Variants in AREL1 observed in about 807,000 individuals in gnomAD.
AREL1 encodes apoptosis resistant E3 ubiquitin protein ligase 1.
Under a neutral mutation model 99.0 loss-of-function variants are expected in AREL1, and 62 were observed. The observed-to-expected ratio is 0.63, with a 90% CI of 0.51 to 0.77. The LOEUF is 0.77. Ranked by LOEUF, AREL1 falls within the 30% of genes least tolerant of loss-of-function variation. The probability of loss-of-function intolerance (pLI) is 0.00; values close to 1 mark genes in which losing one functional copy is unlikely to be tolerated. For synonymous variants in AREL1, 380 were observed against 376.5 expected (o/e 1.01, Z -0.11); for missense variants, 879 against 1,027.6 (o/e 0.86, Z 1.98).
At chr14:74,698,284 C>T (rs992209725) in intron 1 of AREL1, among the ~76,000 whole-genome samples, 1 of 152,076 alleles carries the variant, frequency 6.6e-6, no homozygotes, top group Non-Finnish European at 1.5e-5. Flanking sequence ...TATGTTTCCC[C>T]ATCCTAGATA....
At chr14:74,668,197 A>G (rs912530016) in intron 15 of AREL1, among the ~76,000 whole-genome samples, 1 of 152,234 alleles carries the variant, frequency 6.6e-6, no homozygotes, top group African/African-American at 2.4e-5. Context: ...CTGCAAAGAA[A>G]AAGGTGAACA....
intron 1 of AREL1, among the ~76,000 whole-genome samples, chr14:74,711,222 AC>A (rs1365816795): frequency 8.1e-6 from 1 of 123,732 alleles, no homozygotes; most frequent in Non-Finnish European, 1.7e-5. Flanking sequence ...CAAGAGCGAA[AC>A]TAACTCCGTC....
intron 1 of AREL1, among the ~76,000 whole-genome samples, chr14:74,708,742 C>G (rs930902270): frequency 1.3e-5 from 2 of 152,214 alleles, no homozygotes; most frequent in African/African-American, 4.8e-5. Context: ...ATGCAAATTG[C>G]TCAACTATTC....
intron 1 of AREL1, among the ~76,000 whole-genome samples, chr14:74,707,890 G>A (rs1205228522): frequency 1.3e-5 from 2 of 151,376 alleles, no homozygotes; most frequent in African/African-American, 4.9e-5. Flanking sequence ...CCGGGAGGCG[G>A]AGCTTGCAGT....
chr14:74,698,475 C>T (rs1000910222), intron 1 of AREL1, among the ~76,000 whole-genome samples: 2 of 152,176 alleles, frequency 1.3e-5, no homozygotes, highest in Admixed American at 6.5e-5. Flanking sequence ...TCCTCTTCAT[C>T]GTTCATTCTT....
At chr14:74,670,659 C>T (rs2089313667) in intron 13 of AREL1, 103 bp downstream of exon 13, 6 of 905,070 alleles carry the variant, frequency 6.6e-6, no homozygotes, top group Non-Finnish European at 1.0e-5. Flanking sequence ...AAGAATAGGA[C>T]ACAGGTTGTC....
At chr14:74,670,686 T>G in intron 13 of AREL1, 76 bp downstream of exon 13, 1 of 1,283,858 alleles carries the variant, frequency 7.8e-7, no homozygotes, top group East Asian at 2.4e-5. Flanking sequence ...CCAGATCAGT[T>G]TCATAATTTT....
chr14:74,693,453 G>A (rs570325653), intron 1 of AREL1, among the ~76,000 whole-genome samples: 1 of 152,234 alleles, frequency 6.6e-6, no homozygotes, highest in South Asian at 2.1e-4. Context: ...GGGGTTTATG[G>A]CAATGCATAC....
At chr14:74,678,975 C>G (rs1239156125) in intron 5 of AREL1, among the ~76,000 whole-genome samples, 1 of 152,112 alleles carries the variant, frequency 6.6e-6, no homozygotes, top group Admixed American at 6.5e-5. Flanking sequence ...ACTGCAGCCT[C>G]AACCTCCTGG....
rs544398246 is a variant in AREL1 at position 74,675,633 on chromosome 14, C to T, written c.1080+66G>A. On this transcript the variant is annotated intron_variant, in intron 8 of 19. Transcript: ENST00000356357. Reference sequence around the variant, plus strand: ...TCAGACTGTTACTTTGTGGTTTCTGCTACCAAATACCAATTACACACAGGT... The same window carrying T: ...TCAGACTGTTACTTTGTGGTTTCTGTTACCAAATACCAATTACACACAGGT... The T allele has an allele frequency of 1.7e-4, 260 of 1,552,216 alleles. 9 individuals are homozygous for T. The South Asian group carries it at 3.1e-3, about 18-fold the overall frequency.
At chr14:74,666,940 G>A (rs941361580) in intron 17 of AREL1, among the ~76,000 whole-genome samples, 7 of 151,908 alleles carry the variant, frequency 4.6e-5, no homozygotes, top group Non-Finnish European at 8.8e-5. Context: ...GGCTGGTCTC[G>A]AACTCCTGAC....
At chr14:74,689,732 G>A (rs1199368688) in intron 2 of AREL1, among the ~76,000 whole-genome samples, 2 of 151,188 alleles carry the variant, frequency 1.3e-5, no homozygotes, top group Admixed American at 1.3e-4. Flanking sequence ...GAGTAGCTGG[G>A]ATTACAGGCA....
At chr14:74,673,714 T>C (rs983896391) in intron 9 of AREL1, among the ~76,000 whole-genome samples, 7 of 152,336 alleles carry the variant, frequency 4.6e-5, no homozygotes, top group Admixed American at 2.0e-4. Flanking sequence ...AGGAGTTAGC[T>C]TCAGCACACT....
chr14:74,709,783 A>G (rs1283992630), intron 1 of AREL1, among the ~76,000 whole-genome samples: 1 of 152,242 alleles, frequency 6.6e-6, no homozygotes, highest in Non-Finnish European at 1.5e-5. Context: ...AAAATGGACA[A>G]AAAAGTGAAT....
At chr14:74,693,452 G>C (rs1413957078) in intron 1 of AREL1, among the ~76,000 whole-genome samples, 5 of 152,144 alleles carry the variant, frequency 3.3e-5, no homozygotes, top group Admixed American at 1.3e-4. Context: ...GGGGGTTTAT[G>C]GCAATGCATA....
chr14:74,664,699 T>C lies in AREL1; in HGVS notation c.2193+137A>G, dbSNP rs914523368. 1.8e-5 allele frequency: 10 copies of C among 548,190 alleles called. No homozygotes were observed. The African/African-American group carries it at 2.0e-4, about 11-fold the overall frequency. 34.0% of individuals were successfully genotyped at this position (548,190 alleles called of 1,614,324 possible). ...GGTCTCAAAACTCCTGACTTTGTGA[T>C]CCGCCTGCCTCAGCCTCCCAAAGTG... On this transcript the variant is annotated intron_variant, in intron 18 of 19. Coordinates refer to ENST00000356357, the MANE Select transcript of AREL1 (RefSeq NM_001039479.2).
chr14:74,671,488 A>G lies in AREL1; in HGVS notation c.1423-5T>C. 6.3e-7 allele frequency: 1 copy of G among 1,584,220 alleles called. No homozygotes were observed. Among genetic ancestry groups the G allele is most frequent in the South Asian group, 1.1e-5 (1 of 87,556 alleles). On this transcript the variant is annotated splice_region_variant and splice_polypyrimidine_tract_variant and intron_variant, in intron 11 of 19. Transcript: ENST00000356357. Reference sequence around the variant, plus strand: ...ATTCCGAGTGGCTTTCAGAGACTGAAAAGAAGTGAAAGGAAGGGAATTGTC... The same window carrying G: ...ATTCCGAGTGGCTTTCAGAGACTGAGAAGAAGTGAAAGGAAGGGAATTGTC...
At chr14:74,666,400 G>A (rs2089209249) in intron 17 of AREL1, among the ~76,000 whole-genome samples, 1 of 152,154 alleles carries the variant, frequency 6.6e-6, no homozygotes, top group African/African-American at 2.4e-5. Flanking sequence ...TGCATAGAAT[G>A]GTATTTACCA....
At chr14:74,704,747 A>G (rs1459220077) in intron 1 of AREL1, among the ~76,000 whole-genome samples, 2 of 152,124 alleles carry the variant, frequency 1.3e-5, no homozygotes, top group Non-Finnish European at 2.9e-5. Context: ...AAAGAGTACA[A>G]GTTTCTAACT....
Sources: gnomAD v4.1 joint callset for allele counts (sites outside exome capture counted in the v4.1 genomes callset) on GRCh38, gnomAD v4.1.1 for gene constraint, MANE v1.5 for transcripts, NCBI Gene and HGNC (gene_info 2026-07-23, HGNC 2026-07-21) for gene names.